SETX: variants seen among roughly 807,000 people sequenced by gnomAD.
SETX encodes the protein senataxin, also known as helicase senataxin.
Under a neutral mutation model 227.2 loss-of-function variants are expected in SETX, and 90 were observed. That is an observed-to-expected ratio of 0.40 (90% CI 0.33 to 0.47). The LOEUF (loss-of-function observed/expected upper bound fraction) is 0.47. Ranked by LOEUF, SETX falls within the 20% of genes least tolerant of loss-of-function variation. The pLI is 0.91. For missense variants in SETX, 3,052 were observed against 3,181.5 expected (o/e 0.96, Z 0.98); for synonymous variants, 1,210 against 1,113.2 (o/e 1.09, Z -1.73).
At chr9:132,349,567 G>A (rs1437069461) in intron 2 of SETX, 132 bp from the exon 3 acceptor site, 2 of 860,562 alleles carry the variant, frequency 2.3e-6, no homozygotes, top group Non-Finnish European at 1.9e-6. Flanking sequence ...ATCTTCTGCT[G>A]GCTGGCTTAT....
At chr9:132,274,482 A>G (rs939015862) in intron 23 of SETX, among the ~76,000 whole-genome samples, 9 of 143,964 alleles carry the variant, frequency 6.3e-5, no homozygotes, top group African/African-American at 2.4e-4. Flanking sequence ...TCTGTCACCC[A>G]GGCTGGAGTG....
At chr9:132,326,088 G>A (rs537232478) in intron 10 of SETX, among the ~76,000 whole-genome samples, 1 of 151,544 alleles carries the variant, frequency 6.6e-6, no homozygotes, top group Non-Finnish European at 1.5e-5. Context: ...TTTCTTTTGA[G>A]ACAGAGTCTC....
intron 18 of SETX, among the ~76,000 whole-genome samples, chr9:132,285,456 C>A (rs902627887): frequency 2.0e-5 from 3 of 152,186 alleles, no homozygotes; most frequent in South Asian, 2.1e-4. Flanking sequence ...CTGAGAAAAG[C>A]CCATAGCTGG....
chr9:132,327,603 TGAG>T lies in SETX; in HGVS notation c.3992_3994del (p.Pro1331del), dbSNP rs774598266. The T allele has an allele frequency of 5.6e-6, 9 of 1,614,102 alleles. No homozygotes were observed. Among genetic ancestry groups the T allele is most frequent in the Non-Finnish European group, 6.8e-6 (8 of 1,180,022 alleles). On this transcript the variant is annotated inframe_deletion, in exon 10 of 26. Transcript: ENST00000224140. ...CTTATTATTTCTGACAGACAGGTTC[TGAG>T]GAGAAATTAATTTAGTCTTTTTTCG... is the stretch of plus-strand genomic sequence containing the variant.
rs7046688 is a variant in SETX at position 132,271,606 on chromosome 9, A to G, written c.7199+104T>C. 0.15 allele frequency: 152,382 copies of G among 999,322 alleles called. 15,675 individuals are homozygous for G. The highest frequency in any genetic ancestry group is 0.44 in the East Asian group (18,377 of 41,584). The allele number at this position is 999,322 out of a possible 1,614,324, so 61.9% of individuals were successfully genotyped here. On this transcript the variant is annotated intron_variant, in intron 24 of 25. Transcript: ENST00000224140. Reference sequence around the variant, plus strand: ...ACAGGTTTTCACAAAAGAAAATTAAAAAAGCAAATGGTGTTCTCTAACAGT... The same window carrying G: ...ACAGGTTTTCACAAAAGAAAATTAAGAAAGCAAATGGTGTTCTCTAACAGT...
intron 11 of SETX, among the ~76,000 whole-genome samples, chr9:132,304,757 T>TG (rs1845222902): frequency 1.3e-5 from 2 of 150,454 alleles, no homozygotes; most frequent in Admixed American, 6.6e-5. Context: ...AGGCACTTTG[T>TG]GGGGCCAAGG....
chr9:132,309,219 G>T (rs932157877), intron 11 of SETX, among the ~76,000 whole-genome samples: 1 of 152,168 alleles, frequency 6.6e-6, no homozygotes, highest in Admixed American at 6.5e-5. Context: ...GCTAGATTAA[G>T]TAAACAATGT....
rs7025 is a variant in SETX at position 132,262,871 on chromosome 9, C to A, written c.*1368G>T. ...GAGATATGGGGCTGCACAGCATTCACTACAGATCCCTAGTTTTTACAACTG... is the reference window on the plus strand; with the variant it reads ...GAGATATGGGGCTGCACAGCATTCAATACAGATCCCTAGTTTTTACAACTG... On this transcript the variant is annotated 3_prime_UTR_variant, in exon 26 of 26. Transcript: ENST00000224140. 3 of 152,068 alleles carry A rather than the reference C, an allele frequency of 2.0e-5. No individual in the cohort carries two copies. The highest frequency in any genetic ancestry group is 7.2e-5 in the African/African-American group (3 of 41,396). The allele number at this position is 152,068 out of a possible 1,614,324, so 9.4% of individuals were successfully genotyped here.
chr9:132,300,491 T>C (rs1844928601), intron 12 of SETX, 139 bp downstream of exon 12: 2 of 862,752 alleles, frequency 2.3e-6, no homozygotes, highest in South Asian at 1.5e-5. Flanking sequence ...AAAGAGACTC[T>C]GAATGGCCAT....
At chr9:132,336,974 G>A (rs1402875819) in intron 5 of SETX, among the ~76,000 whole-genome samples, 4 of 152,190 alleles carry the variant, frequency 2.6e-5, no homozygotes, top group Non-Finnish European at 5.9e-5. Flanking sequence ...GCTGAGGCAG[G>A]AGAATTGTTT....
intron 10 of SETX, among the ~76,000 whole-genome samples, chr9:132,314,849 T>TGA (rs1343478808): frequency 6.6e-6 from 1 of 150,822 alleles, no homozygotes; most frequent in African/African-American, 2.4e-5. Context: ...TTTGTGTGTG[T>TGA]GACCCCAAGA....
intron 5 of SETX, among the ~76,000 whole-genome samples, chr9:132,341,062 G>A (rs1479499338): frequency 6.6e-6 from 1 of 151,988 alleles, no homozygotes; most frequent in Non-Finnish European, 1.5e-5. Flanking sequence ...AACAGCCCTT[G>A]TCGGCTGGAC....
At chr9:132,292,579 G>A (rs1436921972) in intron 15 of SETX, among the ~76,000 whole-genome samples, 1 of 150,142 alleles carries the variant, frequency 6.7e-6, no homozygotes, top group Non-Finnish European at 1.5e-5. Flanking sequence ...TAGACAAGCT[G>A]TCTTATACAA....
Position 132,327,260 on chromosome 9 carries a change from C to T in SETX, c.4338G>A (p.Val1446=), listed in dbSNP as rs777058489. The T allele has an allele frequency of 8.1e-6, 13 of 1,614,194 alleles. No individual in the cohort carries two copies. Among genetic ancestry groups the T allele is most frequent in the Admixed American group, 6.7e-5 (4 of 60,028 alleles). Residue 1446 remains valine, a synonymous_variant, in exon 10 of 26, where the codon GTG becomes GTA. Coordinates refer to ENST00000224140, the MANE Select transcript of SETX (RefSeq NM_015046.7). ...CATTTGTTGGTACTGTTCCATTTAA[C>T]ACTACAGAATCACACTGGTTCAAAG... The part of the protein sequence containing the change: ...ACPLNQCDSV[V]LNGTVPTNEV...
chr9:132,264,808 C>CGTT lies in SETX; in HGVS notation c.7464_7465insAAC (p.Gly2488_Gly2489insAsn). ...CTGTCTAGCTTGCTGCTGGGCAAAC[C>CGTT]ACCCTGGGGTCTGGACCCCTCTGGG... On this transcript the variant is annotated inframe_insertion, in exon 26 of 26. Coordinates refer to ENST00000224140, the MANE Select transcript of SETX (RefSeq NM_015046.7). 6.2e-7 allele frequency: 1 copy of CGTT among 1,614,158 alleles called. No homozygotes were observed. The highest frequency in any genetic ancestry group is 8.5e-7 in the Non-Finnish European group (1 of 1,180,034).
At chr9:132,304,437 G>C (rs897566635) in intron 11 of SETX, among the ~76,000 whole-genome samples, 5 of 151,746 alleles carry the variant, frequency 3.3e-5, no homozygotes, top group African/African-American at 1.2e-4. Flanking sequence ...CACTGAACTT[G>C]TAATTGTGTA....
chr9:132,277,970 T>C, intron 21 of SETX, 100 bp downstream of exon 21: 1 of 1,152,342 alleles, frequency 8.7e-7, no homozygotes. Flanking sequence ...TCATGATTTA[T>C]GCTTTTTATG....
intron 25 of SETX, among the ~76,000 whole-genome samples, chr9:132,268,090 T>G (rs564108460): frequency 1.3e-5 from 2 of 152,380 alleles, no homozygotes; most frequent in East Asian, 3.9e-4. Context: ...TAACAGGCTA[T>G]TCAATTGATA....
At position 132,346,471 on chromosome 9, in the gene SETX, C is replaced by G; in HGVS notation, c.178G>C (p.Val60Leu). The change falls in exon 4 of 26, where the codon GTT becomes CTT. Residue 60 changes from valine (V) to leucine (L), a missense_variant and splice_region_variant. Transcript: ENST00000224140. ...CGTAAGGTTTCTAATTCCCATAAAA[C>G]CTAGAGGAAAATAAAATGGGCAGTG... ...ARDELPFLHE[V>L]LWELETLRLI... 6.2e-7 allele frequency: 1 copy of G among 1,603,874 alleles called. No individual in the cohort carries two copies. The highest frequency in any genetic ancestry group is 8.5e-7 in the Non-Finnish European group (1 of 1,172,790).
Sources: gnomAD v4.1 joint callset for allele counts (sites outside exome capture counted in the v4.1 genomes callset) on GRCh38, gnomAD v4.1.1 for gene constraint, MANE v1.5 for transcripts, NCBI Gene and HGNC (gene_info 2026-07-23, HGNC 2026-07-21) for gene names.